The following CDH23 variants were observed in gnomAD, a reference collection of about 807,000 sequenced individuals.
The protein encoded by CDH23 is cadherin-23.
Under a neutral mutation model 317.1 loss-of-function variants are expected in CDH23, and 189 were observed. The observed-to-expected ratio is 0.60, with a 90% CI of 0.53 to 0.67. CDH23 has a LOEUF of 0.67. Ranked by LOEUF, CDH23 falls within the 30% of genes least tolerant of loss-of-function variation. CDH23 has a pLI of 0.00. For synonymous variants in CDH23, 1,839 were observed against 1,876.8 expected, an observed-to-expected ratio of 0.98 and a Z score of 0.52; for missense variants, 4,401 against 4,592.4, an observed-to-expected ratio of 0.96 and a Z score of 1.20.
At chr10:71,511,595 A>T (rs1165710650) in intron 6 of CDH23, among the ~76,000 whole-genome samples, 1 of 152,154 alleles carries the variant, frequency 6.6e-6, no homozygotes, top group Non-Finnish European at 1.5e-5. Flanking sequence ...TGCTTTGGCC[A>T]GAATCAGGTC....
chr10:71,571,348 C>T (rs1857792766), intron 8 of CDH23, among the ~76,000 whole-genome samples: 1 of 152,228 alleles, frequency 6.6e-6, no homozygotes, highest in Admixed American at 6.5e-5. Flanking sequence ...GTGGCAGCTG[C>T]CCTTCTTCAA....
chr10:71,756,647 G>A (rs1318182877), intron 38 of CDH23, among the ~76,000 whole-genome samples: 1 of 152,200 alleles, frequency 6.6e-6, no homozygotes, highest in African/African-American at 2.4e-5. Flanking sequence ...CAGGGCATCT[G>A]CTGACTGCAG....
At chr10:71,646,887 A>T in intron 14 of CDH23, 1 of 1,426,892 alleles carries the variant, frequency 7.0e-7, no homozygotes, top group Non-Finnish European at 9.2e-7. Context: ...CCCGAGAGAG[A>T]CTCAGTGAGG....
intron 9 of CDH23, among the ~76,000 whole-genome samples, chr10:71,593,937 A>G (rs1859670465): frequency 6.6e-6 from 1 of 152,182 alleles, no homozygotes; most frequent in Non-Finnish European, 1.5e-5. Flanking sequence ...TGGGCAACGG[A>G]GTAAGGCCTC....
chr10:71,437,683 A>G (rs1182305419), intron 1 of CDH23, among the ~76,000 whole-genome samples: 2 of 152,242 alleles, frequency 1.3e-5, no homozygotes, highest in African/African-American at 2.4e-5. Context: ...TTTGACTCAC[A>G]AAGTATTCCT....
In CDH23 at chr10:71,467,078, G is replaced by A. The variant is rs562305151; in HGVS notation, c.145+20683G>A. On this transcript the variant is annotated intron_variant, in intron 3 of 69. Transcript: ENST00000224721. ...TTTGTGGAGCCAAAGGTGTTTCTCC[G>A]CAGAGGATGCTAGCAAGAGCTGCAA... Among the ~76,000 whole-genome samples, 123 of 152,230 alleles carry A rather than the reference G, an allele frequency of 8.1e-4. 2 individuals carry two copies. The South Asian group carries it at 0.02, about 25-fold the overall frequency.
At chr10:71,443,755 A>T (rs551482874) in intron 2 of CDH23, among the ~76,000 whole-genome samples, 19 of 152,292 alleles carry the variant, frequency 1.2e-4, no homozygotes, top group Non-Finnish European at 1.5e-4. Context: ...ACATCCACTT[A>T]CATTCCCGCT....
At chr10:71,795,598 T>G (rs1369962475) in intron 48 of CDH23, 1 of 164,218 alleles carries the variant, frequency 6.1e-6, no homozygotes, top group African/African-American at 2.4e-5. Flanking sequence ...CCTTTTCTTC[T>G]TGCCAGAGCC....
intron 1 of CDH23, among the ~76,000 whole-genome samples, chr10:71,437,147 C>A (rs975360932): frequency 3.9e-5 from 6 of 152,220 alleles, no homozygotes; most frequent in African/African-American, 1.4e-4. Context: ...GGCACATAGG[C>A]CCTCTCATAT....
In CDH23 at chr10:71,815,160, C is replaced by T. The variant is rs886043695; in HGVS notation, c.9947C>T (p.Thr3316Ile). Residue 3316 changes from threonine (T) to isoleucine (I), a missense_variant, in exon 70 of 70, where the codon ACC (threonine) becomes ATC (isoleucine). Thr to Ile is a moderately conservative substitution (Grantham distance 89). Transcript: ENST00000224721. The stretch of plus-strand genomic sequence containing the variant: ...CTGGGCCGCTCGCTGGAGACGCTGA[C>T]CGCTGCCGAGGCCACTGCCTTCGAG... ...KGLGRSLETL[T>I]AAEATAFERN... 6.2e-7 allele frequency: 1 copy of T among 1,611,450 alleles called. No homozygotes were observed. Among genetic ancestry groups the T allele is most frequent in the Non-Finnish European group, 8.5e-7 (1 of 1,179,004 alleles).
intron 49 of CDH23, 147 bp from the exon 50 acceptor site, chr10:71,798,207 A>T (rs1841455979): frequency 1.5e-6 from 1 of 645,322 alleles, no homozygotes; most frequent in Non-Finnish European, 2.8e-6. Context: ...CCTGTGCTGC[A>T]GCCTGAGGGT....
chr10:71,751,902 G>T lies in CDH23; in HGVS notation c.4845+9981G>T. Reference sequence around the variant, plus strand: ...AATGGAAGGTCATCTGTGCTGTCCGGAGCGTGAACTCTGCCCTCCCTGCCC... The same window carrying T: ...AATGGAAGGTCATCTGTGCTGTCCGTAGCGTGAACTCTGCCCTCCCTGCCC... On this transcript the variant is annotated intron_variant, in intron 38 of 69. Coordinates refer to ENST00000224721, the MANE Select transcript of CDH23 (RefSeq NM_022124.6). The surrounding 1 kb of genome is among the most constrained non-coding windows in gnomAD (Gnocchi z 4.9). The T allele has an allele frequency of 1.3e-6, 2 of 1,535,350 alleles. No homozygotes were observed. Among genetic ancestry groups the T allele is most frequent in the Non-Finnish European group, 1.8e-6 (2 of 1,135,692 alleles).
In CDH23 at chr10:71,788,871, C is replaced by G. The variant is rs551362218; in HGVS notation, c.5821-69C>G. The G allele has an allele frequency of 1.6e-4, 132 of 801,190 alleles. 4 individuals are homozygous for G. The South Asian group carries it at 1.7e-3, about 11-fold the overall frequency. 49.6% of individuals were successfully genotyped at this position (801,190 alleles called of 1,614,324 possible). A position where few individuals can be genotyped will look rare whatever the true frequency, so the allele number is the denominator to read the frequency against. ...TGCCCCAATCCCCAACCTCCCAACCCTCCTCCCACCTAGGTGGGGGCACTT... is the reference window on the plus strand; with the variant it reads ...TGCCCCAATCCCCAACCTCCCAACCGTCCTCCCACCTAGGTGGGGGCACTT... On this transcript the variant is annotated intron_variant, in intron 44 of 69. Coordinates refer to ENST00000224721, the MANE Select transcript of CDH23 (RefSeq NM_022124.6).
intron 30 of CDH23, among the ~76,000 whole-genome samples, chr10:71,728,997 AT>A (rs894390882): frequency 4.0e-5 from 6 of 150,340 alleles, no homozygotes; most frequent in East Asian, 1.9e-4. Context: ...CCCCTGGCTA[AT>A]TTTTTTTTGT....
intron 1 of CDH23, among the ~76,000 whole-genome samples, chr10:71,416,268 G>A (rs760182976): frequency 3.9e-5 from 6 of 152,098 alleles, no homozygotes; most frequent in East Asian, 1.9e-4. Flanking sequence ...CAAGTGATCC[G>A]CCCGCCTTGG....
intron 63 of CDH23, 30 bp downstream of exon 63, chr10:71,811,465 G>T: frequency 6.2e-7 from 1 of 1,613,958 alleles, no homozygotes; most frequent in Non-Finnish European, 8.5e-7. Context: ...CACAGCCCTA[G>T]CCGCCCTCCC....
chr10:71,774,590 G>C (rs529609044), intron 38 of CDH23, among the ~76,000 whole-genome samples: 11 of 152,336 alleles, frequency 7.2e-5, no homozygotes, highest in African/African-American at 2.6e-4. Flanking sequence ...GCGTGGAGAA[G>C]GTTTTACTGC....
intron 11 of CDH23, among the ~76,000 whole-genome samples, chr10:71,637,736 C>T (rs1365057618): frequency 6.6e-6 from 1 of 152,088 alleles, no homozygotes; most frequent in Non-Finnish European, 1.5e-5. Flanking sequence ...GATTCCCAGC[C>T]CCGATCCAGC....
chr10:71,793,578 A>C lies in CDH23; in HGVS notation c.6650A>C (p.Lys2217Thr), dbSNP rs1463002537. 1 of 1,611,352 alleles carries C rather than the reference A, an allele frequency of 6.2e-7. No homozygotes were observed. The highest frequency in any genetic ancestry group is 8.5e-7 in the Non-Finnish European group (1 of 1,177,988). ...LEYHIVGIVA[K>T]DDTDRLVPNQ... ...TACCACATTGTCGGCATTGTGGCCA[A>C]GGACGACACTGATCGCCTGGTGCCC... The change falls in exon 48 of 70, where the codon AAG becomes ACG. Residue 2217 changes from lysine to threonine, a missense_variant. Lys to Thr is a moderately conservative substitution (Grantham distance 78, BLOSUM62 -1). Coordinates refer to ENST00000224721, the MANE Select transcript of CDH23 (RefSeq NM_022124.6).
Sources: gnomAD v4.1 joint callset for allele counts (sites outside exome capture counted in the v4.1 genomes callset) on GRCh38, gnomAD v4.1.1 for gene constraint, Gnocchi (gnomAD v3.1) non-coding constraint, MANE v1.5 for transcripts, NCBI Gene and HGNC (gene_info 2026-07-23, HGNC 2026-07-21) for gene names.